SIPA1L1: variants seen among roughly 807,000 people sequenced by gnomAD.
The protein encoded by SIPA1L1 is signal induced proliferation associated 1 like 1.
In SIPA1L1, 26 loss-of-function variants were observed where a neutral mutation model predicts 162.7. The ratio of observed to expected loss-of-function variants is 0.16; its 90% CI spans 0.12 to 0.22. The LOEUF (loss-of-function observed/expected upper bound fraction) is 0.22. SIPA1L1 is among the 10% of genes least tolerant of loss of function. SIPA1L1 has a pLI of 1.00. For missense variants in SIPA1L1, 1,874 were observed against 2,241.0 expected, an observed-to-expected ratio of 0.84 and a Z score of 3.31; for synonymous variants, 829 against 837.4, an observed-to-expected ratio of 0.99 and a Z score of 0.17.
At chr14:71,565,006 G>A (rs1238883449) in intron 4 of SIPA1L1, among the ~76,000 whole-genome samples, 2 of 152,144 alleles carry the variant, frequency 1.3e-5, no homozygotes, top group Non-Finnish European at 1.5e-5. Context: ...GGTTTCACAC[G>A]ATCAGATTGA....
At chr14:71,504,552 A>G (rs115547997) in intron 2 of SIPA1L1, among the ~76,000 whole-genome samples, 197 of 152,314 alleles carry the variant, frequency 1.3e-3, no homozygotes, top group African/African-American at 4.7e-3. Flanking sequence ...GATACCTTCT[A>G]TTGTAAGGCA....
intron 4 of SIPA1L1, among the ~76,000 whole-genome samples, chr14:71,570,751 G>C (rs1032600425): frequency 4.6e-5 from 7 of 152,102 alleles, no homozygotes; most frequent in African/African-American, 1.7e-4. Flanking sequence ...AAGGACGAGA[G>C]AAAATACTGC....
At chr14:71,675,500 G>C (rs964533261) in intron 12 of SIPA1L1, among the ~76,000 whole-genome samples, 1 of 152,248 alleles carries the variant, frequency 6.6e-6, no homozygotes, top group Admixed American at 6.5e-5. Context: ...CTGAAAGCCT[G>C]CTCCTTTCTC....
At chr14:71,368,140 TTC>T (rs1311982502) in intron 2 of SIPA1L1, among the ~76,000 whole-genome samples, 1 of 142,646 alleles carries the variant, frequency 7.0e-6, no homozygotes, top group African/African-American at 2.6e-5. Context: ...TTTTGTGGTA[TTC>T]TTTTTTTTTT....
chr14:71,411,358 A>T (rs944183526), intron 2 of SIPA1L1, among the ~76,000 whole-genome samples: 3 of 152,162 alleles, frequency 2.0e-5, no homozygotes, highest in African/African-American at 7.2e-5. Flanking sequence ...GAACCTTCCT[A>T]GTAATTTCTG....
rs2149457409 is a variant in SIPA1L1, at chr14:71,677,774, A to T, written c.3104+5152A>T. Reference sequence around the variant, plus strand: ...GTTTTTGTCAAGTTTGTCAAAGATCAGATGGTTGTAGATGTGTGGTATTAT... The same window carrying T: ...GTTTTTGTCAAGTTTGTCAAAGATCTGATGGTTGTAGATGTGTGGTATTAT... On this transcript the variant is annotated intron_variant, in intron 12 of 23. Transcript: ENST00000381232. 1.3e-5 allele frequency among the ~76,000 whole-genome samples: 2 copies of T among 152,340 alleles called. 1 individual carries two copies. Among genetic ancestry groups the T allele is most frequent in the South Asian group, 4.1e-4 (2 of 4,828 alleles).
At chr14:71,562,335 G>A (rs948456776) in intron 4 of SIPA1L1, among the ~76,000 whole-genome samples, 5 of 151,854 alleles carry the variant, frequency 3.3e-5, no homozygotes, top group African/African-American at 1.2e-4. Context: ...TAAAATAAGT[G>A]TGTTTATCAA....
intron 2 of SIPA1L1, among the ~76,000 whole-genome samples, chr14:71,510,606 G>A (rs1301101862): frequency 1.3e-5 from 2 of 152,136 alleles, no homozygotes; most frequent in African/African-American, 2.4e-5. Context: ...TGTTTTGCCT[G>A]GGAATTATTG....
chr14:71,609,121 T>A (rs2037882684), intron 5 of SIPA1L1, among the ~76,000 whole-genome samples: 2 of 152,188 alleles, frequency 1.3e-5, no homozygotes, highest in Admixed American at 1.3e-4. Flanking sequence ...CCATGCCATC[T>A]CTTATTTAAA....
intron 2 of SIPA1L1, among the ~76,000 whole-genome samples, chr14:71,417,496 A>AAAAAAAAG (rs1262609472): frequency 6.8e-6 from 1 of 147,204 alleles, no homozygotes; most frequent in South Asian, 2.2e-4. Context: ...AAAAAAAAAA[A>AAAAAAAAG]AAAAAAAGAA....
chr14:71,576,276 C>A (rs974700017), intron 4 of SIPA1L1, among the ~76,000 whole-genome samples: 1 of 152,216 alleles, frequency 6.6e-6, no homozygotes, highest in Non-Finnish European at 1.5e-5. Flanking sequence ...GACTCTCGAG[C>A]AGTGACCCAG....
chr14:71,380,735 A>G (rs994630394), intron 2 of SIPA1L1, among the ~76,000 whole-genome samples: 1 of 152,338 alleles, frequency 6.6e-6, no homozygotes, highest in South Asian at 2.1e-4. Flanking sequence ...TAGAGTAGGG[A>G]TACAATATCT....
chr14:71,397,871 A>AT (rs1555413046), intron 2 of SIPA1L1, among the ~76,000 whole-genome samples: 2 of 152,108 alleles, frequency 1.3e-5, no homozygotes, highest in Admixed American at 6.6e-5. Flanking sequence ...GTACACAGGC[A>AT]TTTTTAGCAT....
chr14:71,435,368 TCCTGTGTC>T (rs1205314784), intron 2 of SIPA1L1, among the ~76,000 whole-genome samples: 1 of 152,074 alleles, frequency 6.6e-6, no homozygotes, highest in Admixed American at 6.5e-5. Flanking sequence ...ATGTTCCCCT[TCCTGTGTC>T]CAAGTGTTCT....
intron 21 of SIPA1L1, 104 bp from the exon 22 acceptor site, chr14:71,735,173 G>A: frequency 1.3e-6 from 1 of 752,796 alleles, no homozygotes; most frequent in South Asian, 1.6e-5. Flanking sequence ...ATCCTGCACT[G>A]GAAATACTAG....
chr14:71,515,276 G>A (rs1432399618), intron 3 of SIPA1L1, among the ~76,000 whole-genome samples: 1 of 152,144 alleles, frequency 6.6e-6, no homozygotes, highest in East Asian at 1.9e-4. Context: ...GCAAAATTAC[G>A]GCTTAATAAA....
At chr14:71,470,241 C>T (rs1338429036) in intron 2 of SIPA1L1, among the ~76,000 whole-genome samples, 1 of 152,178 alleles carries the variant, frequency 6.6e-6, no homozygotes, top group Non-Finnish European at 1.5e-5. Flanking sequence ...TACTTTCTCT[C>T]TCTGTACTAG....
chr14:71,327,451 AT>A (rs1470034897), intron 2 of SIPA1L1, among the ~76,000 whole-genome samples: 3 of 152,156 alleles, frequency 2.0e-5, no homozygotes, highest in Non-Finnish European at 1.5e-5. Context: ...TCAGTTCTTG[AT>A]GCTCTTAGCT....
At chr14:71,426,363 T>A (rs2043560077) in intron 2 of SIPA1L1, among the ~76,000 whole-genome samples, 1 of 151,534 alleles carries the variant, frequency 6.6e-6, no homozygotes, top group African/African-American at 2.4e-5. Context: ...TGTTTGTTTG[T>A]TTTTAGTGAA....
Sources: allele counts gnomAD v4.1 joint callset (sites outside exome capture counted in the v4.1 genomes callset), GRCh38; gene constraint gnomAD v4.1.1; transcripts MANE v1.5; gene names NCBI Gene and HGNC (gene_info 2026-07-23, HGNC 2026-07-21).